Variants in MAP4K4 observed in about 807,000 individuals in gnomAD.
MAP4K4 encodes HPK/GCK-like kinase HGK.
Under a neutral mutation model 189.6 loss-of-function variants are expected in MAP4K4, and 38 were observed. The ratio of observed to expected loss-of-function variants is 0.20; its 90% CI spans 0.15 to 0.26. The LOEUF is 0.26. Among genes scored for constraint, MAP4K4 ranks in the 10% least tolerant of loss-of-function variants. The pLI, the probability that MAP4K4 is intolerant of heterozygous loss-of-function variation, is 1.00. For synonymous variants in MAP4K4, 610 were observed against 624.3 expected, an observed-to-expected ratio of 0.98 and a Z score of 0.34; for missense variants, 1,054 against 1,726.9, an observed-to-expected ratio of 0.61 and a Z score of 6.91.
chr2:101,807,888 G>T (rs143906205), intron 3 of MAP4K4, among the ~76,000 whole-genome samples: 15 of 152,188 alleles, frequency 9.9e-5, no homozygotes, highest in Non-Finnish European at 1.5e-4. Flanking sequence ...TCGCAAGGGC[G>T]GTATCAAGAG....
At chr2:101,698,370 C>A in intron 1 of MAP4K4, 103 bp from the exon 2 acceptor site, 1 of 1,136,268 alleles carries the variant, frequency 8.8e-7, no homozygotes, top group Non-Finnish European at 1.3e-6. Context: ...CGGGGCGAAG[C>A]CCACCTCTTT....
At chr2:101,834,272 C>CA in intron 7 of MAP4K4, 137 bp from the exon 8 acceptor site, 1 of 462,842 alleles carries the variant, frequency 2.2e-6, no homozygotes, top group Non-Finnish European at 4.3e-6. Context: ...GTAAGTTCTA[C>CA]AAATGTGCTT....
At position 101,808,689 on chromosome 2, in the gene MAP4K4, T is replaced by C. The variant is rs1053550473; in HGVS notation, c.181-15239T>C. Reference sequence around the variant, plus strand: ...TTTACTTTCTATGAAATATAATTATTCCAGGGATAAAATATAGAGAAGTAA... The same window carrying C: ...TTTACTTTCTATGAAATATAATTATCCCAGGGATAAAATATAGAGAAGTAA... On this transcript the variant is annotated intron_variant, in intron 3 of 32. Transcript: ENST00000324219. 1.1e-4 allele frequency among the ~76,000 whole-genome samples: 16 copies of C among 152,204 alleles called. No homozygotes were observed. The East Asian group carries it at 2.1e-3, about 20-fold the overall frequency.
chr2:101,725,538 C>T (rs755966175), intron 2 of MAP4K4, among the ~76,000 whole-genome samples: 11 of 152,090 alleles, frequency 7.2e-5, no homozygotes, highest in African/African-American at 1.4e-4. Context: ...TTAAGACTGA[C>T]GTGAATTACA....
intron 3 of MAP4K4, among the ~76,000 whole-genome samples, chr2:101,812,936 G>C (rs2095518672): frequency 6.6e-6 from 1 of 152,102 alleles, no homozygotes; most frequent in Non-Finnish European, 1.5e-5. Context: ...GACCATCCTG[G>C]CTAACACATG....
chr2:101,800,752 T>C (rs187001097), intron 3 of MAP4K4, among the ~76,000 whole-genome samples: 9 of 152,356 alleles, frequency 5.9e-5, no homozygotes, highest in African/African-American at 1.2e-4. Context: ...AAACAAGTAC[T>C]GAACACTTAG....
intron 2 of MAP4K4, among the ~76,000 whole-genome samples, chr2:101,702,096 A>G (rs1461898396): frequency 6.6e-6 from 1 of 152,060 alleles, no homozygotes. Context: ...CCTGGCCTCA[A>G]GTGATCTGCA....
chr2:101,816,891 C>A (rs1299413575), intron 3 of MAP4K4, among the ~76,000 whole-genome samples: 1 of 152,010 alleles, frequency 6.6e-6, no homozygotes, highest in Non-Finnish European at 1.5e-5. Flanking sequence ...CCTCGAGCAG[C>A]AAGGAGGGGA....
intron 2 of MAP4K4, among the ~76,000 whole-genome samples, chr2:101,778,900 A>G (rs1446813313): frequency 2.6e-5 from 4 of 152,110 alleles, no homozygotes; most frequent in African/African-American, 9.7e-5. Context: ...TTGAAGCCAG[A>G]CACACCTGAG....
chr2:101,705,414 A>C (rs926135714), intron 2 of MAP4K4, among the ~76,000 whole-genome samples: 6 of 140,282 alleles, frequency 4.3e-5, no homozygotes, highest in African/African-American at 1.5e-4. Context: ...GTGTTCAGAC[A>C]CAATGAATGC....
intron 2 of MAP4K4, among the ~76,000 whole-genome samples, chr2:101,741,447 C>T (rs992554962): frequency 1.3e-5 from 2 of 152,138 alleles, no homozygotes; most frequent in East Asian, 1.9e-4. Context: ...GGATTACAGG[C>T]GTGAACCACC....
chr2:101,754,984 A>G (rs917925291), intron 2 of MAP4K4, among the ~76,000 whole-genome samples: 1 of 152,132 alleles, frequency 6.6e-6, no homozygotes, highest in Non-Finnish European at 1.5e-5. Flanking sequence ...TGAAATGTAA[A>G]TATTTGTTTT....
chr2:101,886,270 C>CT (rs1242172224), intron 29 of MAP4K4, among the ~76,000 whole-genome samples: 1 of 152,112 alleles, frequency 6.6e-6, no homozygotes, highest in Non-Finnish European at 1.5e-5. Flanking sequence ...TTATCGTAGT[C>CT]TCGTGAACTG....
chr2:101,724,573 T>G (rs2054151732), intron 2 of MAP4K4, among the ~76,000 whole-genome samples: 1 of 152,256 alleles, frequency 6.6e-6, no homozygotes, highest in Non-Finnish European at 1.5e-5. Flanking sequence ...TAGGTCTTCA[T>G]TTGTCACTTG....
chr2:101,783,552 G>A (rs1157147957), intron 2 of MAP4K4, among the ~76,000 whole-genome samples: 2 of 152,154 alleles, frequency 1.3e-5, no homozygotes, highest in East Asian at 1.9e-4. Flanking sequence ...TTATGGCCTG[G>A]GATAGAGCCT....
intron 23 of MAP4K4, 164 bp downstream of exon 23, chr2:101,870,579 T>A: frequency 1.2e-6 from 1 of 848,694 alleles, no homozygotes; most frequent in Non-Finnish European, 1.8e-6. Flanking sequence ...GGCAGGTGTG[T>A]ACTGCATGCC....
In MAP4K4 at chr2:101,817,097, C is replaced by T. The variant is rs186820930; in HGVS notation, c.181-6831C>T. Among the ~76,000 whole-genome samples the T allele has an allele frequency of 1.9e-3, 283 of 152,010 alleles. 2 individuals carry two copies. Among genetic ancestry groups the T allele is most frequent in the Non-Finnish European group, 3.2e-3 (215 of 67,986 alleles). On this transcript the variant is annotated intron_variant, in intron 3 of 32. Transcript: ENST00000324219. ...TAATATTTGGTAGCATTTCTCCCCT[C>T]CTCCTCAATGCATTCATTTAAACTA...
chr2:101,821,720 A>T (rs981032396), intron 3 of MAP4K4, among the ~76,000 whole-genome samples: 1 of 152,166 alleles, frequency 6.6e-6, no homozygotes, highest in Non-Finnish European at 1.5e-5. Flanking sequence ...AACATGGTAC[A>T]CTTAGGATAC....
chr2:101,868,471 A>G (rs999497483), intron 21 of MAP4K4, among the ~76,000 whole-genome samples: 3 of 152,250 alleles, frequency 2.0e-5, no homozygotes, highest in Admixed American at 6.5e-5. Flanking sequence ...ATGAATTTGG[A>G]GTTTTATATG....
Sources: allele counts gnomAD v4.1 joint callset (sites outside exome capture counted in the v4.1 genomes callset), GRCh38; gene constraint gnomAD v4.1.1; transcripts MANE v1.5; gene names NCBI Gene and HGNC (gene_info 2026-07-23, HGNC 2026-07-21).